The following PICALM variants were observed in gnomAD, a reference collection of about 807,000 sequenced individuals.
PICALM encodes phosphatidylinositol-binding clathrin assembly protein.
Under a neutral mutation model 80.5 loss-of-function variants are expected in PICALM, and 40 were observed. That is an observed-to-expected ratio of 0.50 (90% CI 0.39 to 0.65). PICALM has a LOEUF of 0.65. Among genes scored for constraint, PICALM ranks in the 30% least tolerant of loss-of-function variants. The pLI is 0.00. For synonymous variants in PICALM, 288 were observed against 260.3 expected (o/e 1.11, Z -1.02); for missense variants, 676 against 778.9 (o/e 0.87, Z 1.57).
intron 11 of PICALM, among the ~76,000 whole-genome samples, chr11:86,000,375 A>G (rs1035142345): frequency 6.6e-6 from 1 of 152,248 alleles, no homozygotes; most frequent in Non-Finnish European, 1.5e-5. Context: ...CATAATTTTT[A>G]CACAATGAAA....
intron 1 of PICALM, among the ~76,000 whole-genome samples, chr11:86,054,810 T>A (rs2096245028): frequency 6.6e-6 from 1 of 152,146 alleles, no homozygotes; most frequent in Non-Finnish European, 1.5e-5. Context: ...AGTTTCACTC[T>A]TGTTGCTCAG....
rs796522861 is a variant in PICALM at position 86,015,982 on chromosome 11, C to G, written c.453-1019G>C. ...AATACTAGACTGCCTTAAGTAGTCA[C>G]CTATTGATCAGCTTCGGCCTAATTC... On this transcript the variant is annotated intron_variant, in intron 4 of 19. Transcript: ENST00000393346. 3.9e-4 allele frequency among the ~76,000 whole-genome samples: 60 copies of G among 152,336 alleles called. 1 individual carries two copies. The highest frequency in any genetic ancestry group is 1.2e-3 in the African/African-American group (51 of 41,582).
intron 1 of PICALM, among the ~76,000 whole-genome samples, chr11:86,039,742 A>G (rs2095915794): frequency 1.3e-5 from 2 of 152,112 alleles, no homozygotes; most frequent in South Asian, 4.1e-4. Flanking sequence ...CAGAACTTTA[A>G]AAAGCAACAA....
chr11:86,017,899 T>G (rs1348360566), intron 4 of PICALM, among the ~76,000 whole-genome samples: 1 of 151,982 alleles, frequency 6.6e-6, no homozygotes, highest in Non-Finnish European at 1.5e-5. Context: ...CAGAAAAAAA[T>G]GTGTGTGTGC....
intron 13 of PICALM, among the ~76,000 whole-genome samples, chr11:85,984,647 C>G (rs1301331208): frequency 6.6e-6 from 1 of 152,122 alleles, no homozygotes; most frequent in Non-Finnish European, 1.5e-5. Context: ...CAAGCACAAA[C>G]TCAAGCATAC....
intron 1 of PICALM, among the ~76,000 whole-genome samples, chr11:86,047,389 C>A (rs1223729797): frequency 1.3e-5 from 2 of 152,248 alleles, no homozygotes; most frequent in Non-Finnish European, 2.9e-5. Flanking sequence ...AGGAAAGCGA[C>A]ACATTATTCA....
chr11:85,964,999 G>A (rs549228301), intron 19 of PICALM, among the ~76,000 whole-genome samples: 5 of 152,030 alleles, frequency 3.3e-5, no homozygotes, highest in African/African-American at 1.2e-4. Flanking sequence ...AGAAATATAT[G>A]AATGTATTTT....
intron 17 of PICALM, chr11:85,978,219 C>G: frequency 1.3e-6 from 1 of 755,484 alleles, no homozygotes; most frequent in Non-Finnish European, 2.4e-6. Flanking sequence ...CCTAAAATCC[C>G]TTGTATTTCC....
chr11:85,970,219 G>C (rs2135472112), intron 19 of PICALM, among the ~76,000 whole-genome samples: 1 of 152,266 alleles, frequency 6.6e-6, no homozygotes, highest in Admixed American at 6.5e-5. Context: ...CACAAGGTCT[G>C]TAAGAAAAAA....
At chr11:86,032,884 T>G (rs555863689) in intron 1 of PICALM, among the ~76,000 whole-genome samples, 64 of 152,334 alleles carry the variant, frequency 4.2e-4, no homozygotes, top group African/African-American at 1.1e-3. Context: ...CAACATTTAC[T>G]TAAAATTTTT....
chr11:86,046,671 A>G (rs1380594962), intron 1 of PICALM, among the ~76,000 whole-genome samples: 1 of 152,168 alleles, frequency 6.6e-6, no homozygotes, highest in Non-Finnish European at 1.5e-5. Context: ...AGATCCTTGC[A>G]CTCAATCTTA....
intron 8 of PICALM, among the ~76,000 whole-genome samples, chr11:86,004,411 G>C (rs900819370): frequency 4.6e-5 from 7 of 152,128 alleles, no homozygotes; most frequent in African/African-American, 1.4e-4. Context: ...GAAGTGACTG[G>C]AAGGGGGCAT....
At chr11:86,017,155 G>A (rs556742592) in intron 4 of PICALM, among the ~76,000 whole-genome samples, 5 of 151,940 alleles carry the variant, frequency 3.3e-5, no homozygotes, top group South Asian at 2.1e-4. Context: ...TCTGGAAGGC[G>A]GAGGTTGCAG....
At position 86,030,380 on chromosome 11, in the gene PICALM, C is replaced by A. The variant is rs11234519; in HGVS notation, c.273+1089G>T. Among the ~76,000 whole-genome samples the A allele has an allele frequency of 6.7e-3, 1,013 of 152,284 alleles. 2 individuals carry two copies. The highest frequency in any genetic ancestry group is 0.018 in the South Asian group (89 of 4,832). ...ATACTGAAAAGCCCAAAATAACACA[C>A]AACGTGATGGATGTCAACAAGTCAT... is the stretch of plus-strand genomic sequence containing the variant. On this transcript the variant is annotated intron_variant, in intron 2 of 19. Coordinates refer to ENST00000393346, the MANE Select transcript of PICALM (RefSeq NM_007166.4).
intron 13 of PICALM, among the ~76,000 whole-genome samples, chr11:85,986,612 G>A (rs887050330): frequency 1.3e-5 from 2 of 150,802 alleles, no homozygotes; most frequent in Non-Finnish European, 3.0e-5. Context: ...GGATGGTCTC[G>A]ATCTCCTGAC....
chr11:85,970,613 T>C (rs2094071635), intron 19 of PICALM, among the ~76,000 whole-genome samples: 1 of 152,162 alleles, frequency 6.6e-6, no homozygotes, highest in African/African-American at 2.4e-5. Context: ...GCCAGGAGTT[T>C]GAGACCAGCC....
At chr11:86,021,488 T>C (rs1274316607) in intron 4 of PICALM, among the ~76,000 whole-genome samples, 1 of 137,962 alleles carries the variant, frequency 7.2e-6, no homozygotes, top group African/African-American at 2.7e-5. Flanking sequence ...CTAGGATGGC[T>C]ACCATTTAAG....
intron 17 of PICALM, 56 bp from the exon 18 acceptor site, chr11:85,976,738 A>T: frequency 9.9e-7 from 1 of 1,012,736 alleles, no homozygotes; most frequent in Non-Finnish European, 1.6e-6. Context: ...GTGTCAACTG[A>T]GTTCAAGGAA....
chr11:86,007,686 ACTT>A (rs1438004653), intron 7 of PICALM, 103 bp from the exon 8 acceptor site: 42 of 375,986 alleles, frequency 1.1e-4, no homozygotes, highest in Non-Finnish European at 1.8e-4. Context: ...TTTTAAACAG[ACTT>A]CTTAAGAATC....
Sources: allele counts gnomAD v4.1 joint callset (sites outside exome capture counted in the v4.1 genomes callset), GRCh38; gene constraint gnomAD v4.1.1; transcripts MANE v1.5; gene names NCBI Gene and HGNC (gene_info 2026-07-23, HGNC 2026-07-21).